Variants in ZNF423 observed in about 807,000 individuals in gnomAD.
ZNF423 encodes zinc finger protein 423, also known as Ebf-associated zinc finger protein.
A neutral mutation model predicts 95.8 loss-of-function variants in ZNF423; 12 were observed. The observed-to-expected ratio is 0.13, with a 90% CI of 0.08 to 0.20. The LOEUF (loss-of-function observed/expected upper bound fraction) is 0.20, where lower values mean the gene tolerates loss of function less well. Among genes scored for constraint, ZNF423 ranks in the 10% least tolerant of loss-of-function variants. The probability of loss-of-function intolerance (pLI) is 1.00; values close to 1 mark genes in which losing one functional copy is unlikely to be tolerated. For synonymous variants in ZNF423, 749 were observed against 711.9 expected, an observed-to-expected ratio of 1.05 and a Z score of -0.83; for missense variants, 1,316 against 1,737.1, an observed-to-expected ratio of 0.76 and a Z score of 4.31.
chr16:49,808,219 A>G (rs3937993), intron 1 of ZNF423, among the ~76,000 whole-genome samples: 18,336 of 151,800 alleles, frequency 0.12, 1,591 homozygotes, highest in Admixed American at 0.25. Flanking sequence ...GCACTACCAC[A>G]CCTACCTAAT....
chr16:49,799,493 C>T (rs2034549219), intron 1 of ZNF423, among the ~76,000 whole-genome samples: 3 of 150,566 alleles, frequency 2.0e-5, no homozygotes, highest in African/African-American at 7.3e-5. Context: ...CACTACAGTG[C>T]AGGGATGGTG....
At chr16:49,741,481 T>C (rs1408993636) in intron 2 of ZNF423, among the ~76,000 whole-genome samples, 1 of 151,210 alleles carries the variant, frequency 6.6e-6, no homozygotes, top group Non-Finnish European at 1.5e-5. Context: ...CACTCCAGCC[T>C]GGGCAACAGA....
intron 2 of ZNF423, among the ~76,000 whole-genome samples, chr16:49,779,525 G>A (rs924010857): frequency 6.6e-6 from 1 of 152,108 alleles, no homozygotes; most frequent in Non-Finnish European, 1.5e-5. Context: ...ACATGTTCAA[G>A]TTTGAGGAGC....
chr16:49,602,111 C>T (rs1278801910), intron 5 of ZNF423, among the ~76,000 whole-genome samples: 2 of 152,246 alleles, frequency 1.3e-5, no homozygotes, highest in Non-Finnish European at 2.9e-5. Flanking sequence ...TCCCCGGCTT[C>T]CTGTCCTGGA....
chr16:49,794,235 TG>T (rs926201446), intron 1 of ZNF423, among the ~76,000 whole-genome samples: 4 of 108,326 alleles, frequency 3.7e-5, no homozygotes, highest in South Asian at 6.7e-4. Context: ...TTTTTGTTTT[TG>T]TTTTTTTTTT....
At chr16:49,647,215 C>G (rs1383366339) in intron 3 of ZNF423, among the ~76,000 whole-genome samples, 1 of 152,344 alleles carries the variant, frequency 6.6e-6, no homozygotes, top group South Asian at 2.1e-4. Flanking sequence ...TACAACCCCA[C>G]CTGCCATTGA....
At chr16:49,530,399 T>C (rs1597058591) in intron 5 of ZNF423, among the ~76,000 whole-genome samples, 1 of 150,662 alleles carries the variant, frequency 6.6e-6, no homozygotes, top group East Asian at 2.0e-4. Flanking sequence ...TACTACCACC[T>C]GGTATATTAC....
intron 5 of ZNF423, among the ~76,000 whole-genome samples, chr16:49,535,420 C>T (rs114333830): frequency 2.0e-3 from 305 of 152,308 alleles, no homozygotes; most frequent in African/African-American, 7.0e-3. Flanking sequence ...ATCCAAATCC[C>T]GGCTCTTTGA....
intron 3 of ZNF423, among the ~76,000 whole-genome samples, chr16:49,714,968 G>A (rs896480610): frequency 1.3e-5 from 2 of 152,084 alleles, no homozygotes; most frequent in African/African-American, 4.8e-5. Flanking sequence ...CTTCTTTCCA[G>A]TCCCGAGGAG....
chr16:49,702,766 A>T (rs902720442), intron 3 of ZNF423, among the ~76,000 whole-genome samples: 1 of 152,252 alleles, frequency 6.6e-6, no homozygotes, highest in Non-Finnish European at 1.5e-5. Context: ...CTGGTGGGCC[A>T]AGGGCCAGGC....
intron 4 of ZNF423, among the ~76,000 whole-genome samples, chr16:49,634,553 A>T (rs111652037): frequency 0.028 from 4,249 of 151,696 alleles, 82 homozygotes; most frequent in Middle Eastern, 0.099. Flanking sequence ...TCAAAATCAC[A>T]GGGTCCCAGG....
intron 3 of ZNF423, among the ~76,000 whole-genome samples, chr16:49,677,404 A>AGAGG: frequency 1.1e-5 from 1 of 87,488 alleles, no homozygotes; most frequent in Non-Finnish European, 2.4e-5. Context: ...GAGAGGAGAG[A>AGAGG]GAGAATGGAA....
chr16:49,697,666 G>A (rs1488079478), intron 3 of ZNF423, among the ~76,000 whole-genome samples: 2 of 152,214 alleles, frequency 1.3e-5, no homozygotes, highest in Non-Finnish European at 2.9e-5. Flanking sequence ...AACAGGACTG[G>A]CCCAGGAAGC....
chr16:49,573,184 C>A lies in ZNF423; in HGVS notation c.3602-47690G>T, dbSNP rs60449693. Reference sequence around the variant, plus strand: ...AGGAGTAAATGGATACATGGATGGACCAGTGGATGCATGGATGTGTGGATG... The same window carrying A: ...AGGAGTAAATGGATACATGGATGGAACAGTGGATGCATGGATGTGTGGATG... On this transcript the variant is annotated intron_variant, in intron 5 of 7. Coordinates refer to ENST00000563137, the MANE Select transcript of ZNF423 (RefSeq NM_001379286.1). Among the ~76,000 whole-genome samples the A allele has an allele frequency of 8.9e-3, 1,354 of 152,040 alleles. 26 individuals are homozygous for A. The highest frequency in any genetic ancestry group is 0.031 in the African/African-American group (1,297 of 41,464).
At chr16:49,822,550 C>A (rs767057411) in intron 1 of ZNF423, 7 of 719,676 alleles carry the variant, frequency 9.7e-6, no homozygotes, top group Non-Finnish European at 1.5e-5. Context: ...GGCAAGGCCC[C>A]TAGCTGAGTC....
At chr16:49,841,730 G>A (rs760542205) in intron 1 of ZNF423, among the ~76,000 whole-genome samples, 2 of 152,208 alleles carry the variant, frequency 1.3e-5, no homozygotes, top group African/African-American at 2.4e-5. Context: ...TCCCCTCTCT[G>A]GCCTCCAGGC....
intron 5 of ZNF423, among the ~76,000 whole-genome samples, chr16:49,599,527 A>T (rs1971289470): frequency 6.6e-6 from 1 of 152,224 alleles, no homozygotes; most frequent in South Asian, 2.1e-4. Context: ...CCAAGACCCC[A>T]GAGCCAGGAT....
At chr16:49,497,692 C>A (rs1469761192) in intron 7 of ZNF423, among the ~76,000 whole-genome samples, 1 of 152,220 alleles carries the variant, frequency 6.6e-6, no homozygotes, top group Non-Finnish European at 1.5e-5. Flanking sequence ...GTGGCTCTCA[C>A]AAGGCTGGCT....
chr16:49,625,406 C>T (rs1248778937), intron 5 of ZNF423, among the ~76,000 whole-genome samples: 1 of 152,184 alleles, frequency 6.6e-6, no homozygotes, highest in Non-Finnish European at 1.5e-5. Context: ...AACTTCACTG[C>T]TCAGACTAGA....
Sources: allele counts gnomAD v4.1 joint callset (sites outside exome capture counted in the v4.1 genomes callset), GRCh38; gene constraint gnomAD v4.1.1; transcripts MANE v1.5; gene names NCBI Gene and HGNC (gene_info 2026-07-23, HGNC 2026-07-21).